ARHGAP20: variants seen among roughly 807,000 people sequenced by gnomAD.
The protein encoded by ARHGAP20 is rho GTPase-activating protein 20.
ARHGAP20 carries 34 observed loss-of-function variants against 73.7 expected under a neutral mutation model. The ratio of observed to expected loss-of-function variants is 0.46; its 90% CI spans 0.35 to 0.61. The LOEUF is 0.61. Ranked by LOEUF, ARHGAP20 falls within the 20% of genes least tolerant of loss-of-function variation. The pLI, the probability that ARHGAP20 is intolerant of heterozygous loss-of-function variation, is 0.00. For missense variants in ARHGAP20, 1,314 were observed against 1,420.9 expected (o/e 0.92, Z 1.21); for synonymous variants, 523 against 518.2 (o/e 1.01, Z -0.13).
At chr11:110,704,806 A>G (rs1950524321) in intron 1 of ARHGAP20, among the ~76,000 whole-genome samples, 1 of 152,136 alleles carries the variant, frequency 6.6e-6, no homozygotes, top group Non-Finnish European at 1.5e-5. Context: ...GATCCTAAAC[A>G]CTTGAAGTAC....
intron 2 of ARHGAP20, among the ~76,000 whole-genome samples, chr11:110,659,130 A>G (rs891032109): frequency 5.4e-5 from 8 of 148,680 alleles, no homozygotes; most frequent in South Asian, 4.4e-4. Context: ...CTGAGGAATC[A>G]CCACACTGAC....
rs1565414806 is a variant in ARHGAP20, at chr11:110,578,781, T to C, written c.*589A>G. 1 of 985,512 alleles carries C rather than the reference T, an allele frequency of 1.0e-6. No individual in the cohort carries two copies. The highest frequency in any genetic ancestry group is 1.7e-5 in the African/African-American group (1 of 57,248). The allele number at this position is 985,512 out of a possible 1,614,324, so 61.0% of individuals were successfully genotyped here. The stretch of plus-strand genomic sequence containing the variant: ...ACTCTGTTTTTCTCCACTCTAGCTG[T>C]AGCAATGGGCTGGTTCTTGGAATGA... On this transcript the variant is annotated 3_prime_UTR_variant, in exon 15 of 15. Coordinates refer to ENST00000683387, the MANE Select transcript of ARHGAP20 (RefSeq NM_001384657.1).
chr11:110,639,186 C>T (rs1949029229), intron 2 of ARHGAP20, among the ~76,000 whole-genome samples: 1 of 151,766 alleles, frequency 6.6e-6, no homozygotes, highest in Non-Finnish European at 1.5e-5. Flanking sequence ...CTGCTTGGCT[C>T]AGTTTCTAGT....
Position 110,615,613 on chromosome 11 carries a change from G to T in ARHGAP20, c.504-19C>A, listed in dbSNP as rs1262510356. On this transcript the variant is annotated intron_variant, in intron 4 of 14. Transcript: ENST00000683387. ...TGGAGAACTGCAATCAAAGAAAATGGGAGAGAAAAATTAAACCACATAAAA... is the reference window on the plus strand; with the variant it reads ...TGGAGAACTGCAATCAAAGAAAATGTGAGAGAAAAATTAAACCACATAAAA... The T allele has an allele frequency of 1.2e-6, 2 of 1,608,794 alleles. No homozygotes were observed. Among genetic ancestry groups the T allele is most frequent in the African/African-American group, 1.3e-5 (1 of 74,762 alleles).
chr11:110,689,857 G>A (rs1297033058), intron 2 of ARHGAP20, among the ~76,000 whole-genome samples: 1 of 151,770 alleles, frequency 6.6e-6, no homozygotes, highest in African/African-American at 2.4e-5. Context: ...GTCAAGCTGC[G>A]TACTTGTCTT....
At chr11:110,707,584 A>G (rs991602713) in intron 1 of ARHGAP20, among the ~76,000 whole-genome samples, 1 of 152,138 alleles carries the variant, frequency 6.6e-6, no homozygotes, top group Non-Finnish European at 1.5e-5. Flanking sequence ...GCTTGAGATT[A>G]AAATAATAAA....
At chr11:110,666,732 T>G (rs1369241358) in intron 2 of ARHGAP20, among the ~76,000 whole-genome samples, 1 of 152,262 alleles carries the variant, frequency 6.6e-6, no homozygotes, top group Non-Finnish European at 1.5e-5. Flanking sequence ...ACATTTTCAT[T>G]ATTATTACTA....
At chr11:110,704,065 G>GT (rs1414419113) in intron 1 of ARHGAP20, among the ~76,000 whole-genome samples, 1 of 152,132 alleles carries the variant, frequency 6.6e-6, no homozygotes, top group African/African-American at 2.4e-5. Flanking sequence ...GAGGGGAAAA[G>GT]TACTGTGATC....
rs189114254 is a variant in ARHGAP20 at position 110,668,763 on chromosome 11, T to C, written c.188+21784A>G. Among the ~76,000 whole-genome samples the C allele has an allele frequency of 2.2e-3, 340 of 152,362 alleles. 1 individual carries two copies. Among genetic ancestry groups the C allele is most frequent in the Admixed American group, 5.4e-3 (82 of 15,308 alleles). On this transcript the variant is annotated intron_variant, in intron 2 of 14. Transcript: ENST00000683387. ...TTATATGCACTGGGAAACCAACAAA[T>C]TCATGCAACTCACTTTAATATTTGC... is the stretch of plus-strand genomic sequence containing the variant.
rs1318625157 is a variant in ARHGAP20 at position 110,690,567 on chromosome 11, T to C, written c.168A>G (p.Leu56=). The change falls in exon 2 of 15, where the codon CTA becomes CTG. Residue 56 remains leucine, a synonymous_variant. Coordinates refer to ENST00000683387, the MANE Select transcript of ARHGAP20 (RefSeq NM_001384657.1). ...CTTACCTGGTAGTAGGCCGTTTTTG[T>C]AGGGCTTTATCCAGGATAAGAGATG... ...SAPSLILDKA[L]QKRPTTRDSP... The C allele has an allele frequency of 6.2e-7, 1 of 1,614,080 alleles. No homozygotes were observed. Among genetic ancestry groups the C allele is most frequent in the South Asian group, 1.1e-5 (1 of 91,074 alleles).
At chr11:110,684,642 A>G (rs1315782755) in intron 2 of ARHGAP20, among the ~76,000 whole-genome samples, 1 of 152,202 alleles carries the variant, frequency 6.6e-6, no homozygotes, top group Non-Finnish European at 1.5e-5. Context: ...ACTATTTACA[A>G]TAGCAAAATC....
intron 1 of ARHGAP20, chr11:110,711,579 A>G (rs770035457): frequency 1.0e-4 from 148 of 1,467,262 alleles, no homozygotes; most frequent in Non-Finnish European, 1.3e-4. Flanking sequence ...CTGCCCCCCG[A>G]AAACTGCTAT....
chr11:110,697,617 T>C lies in ARHGAP20; in HGVS notation c.106-6988A>G, dbSNP rs542641265. On this transcript the variant is annotated intron_variant, in intron 1 of 14. Coordinates refer to ENST00000683387, the MANE Select transcript of ARHGAP20 (RefSeq NM_001384657.1). The stretch of plus-strand genomic sequence containing the variant: ...TCTATTTTTATGTTGCATTTGCATT[T>C]GTCTAGTTTCATTCTTCTGCATGTG... 3.3e-5 allele frequency among the ~76,000 whole-genome samples: 5 copies of C among 151,408 alleles called. 1 individual carries two copies. Among genetic ancestry groups the C allele is most frequent in the African/African-American group, 9.6e-5 (4 of 41,500 alleles).
At position 110,580,835 on chromosome 11, in the gene ARHGAP20, G is replaced by A; in HGVS notation, c.2111C>T (p.Ser704Leu). The change falls in exon 15 of 15, where the codon TCA (serine) becomes TTA (leucine). Residue 704 changes from serine (S) to leucine (L), a missense_variant. Ser to Leu is a moderately radical substitution (Grantham distance 145). Transcript: ENST00000683387. ...AKSLRRHRRCSEPSIDYLDSK... is the reference protein window; with the variant it reads ...AKSLRRHRRCLEPSIDYLDSK... ...ATCCAGATAGTCGATGCTGGGCTCT[G>A]AGCAACGCCGGTGTCGCCTCAGGCT... 4 of 1,613,948 alleles carry A rather than the reference G, an allele frequency of 2.5e-6. No homozygotes were observed. The highest frequency in any genetic ancestry group is 3.4e-6 in the Non-Finnish European group (4 of 1,179,850).
chr11:110,711,508 C>T, intron 1 of ARHGAP20: 7 of 1,084,370 alleles, frequency 6.5e-6, no homozygotes, highest in Non-Finnish European at 8.5e-6. Context: ...AAACTGTGAC[C>T]CCCACCTGGG....
At chr11:110,650,522 G>A (rs1949326465) in intron 2 of ARHGAP20, among the ~76,000 whole-genome samples, 1 of 152,122 alleles carries the variant, frequency 6.6e-6, no homozygotes, top group Admixed American at 6.6e-5. Flanking sequence ...TAACTCTCTT[G>A]AGTGGAGGCA....
intron 5 of ARHGAP20, among the ~76,000 whole-genome samples, chr11:110,615,327 C>T (rs538871517): frequency 3.0e-4 from 46 of 152,202 alleles, no homozygotes; most frequent in African/African-American, 1.1e-3. Flanking sequence ...TTTAACTAGA[C>T]CTCAATGTTC....
intron 9 of ARHGAP20, among the ~76,000 whole-genome samples, chr11:110,603,748 A>G (rs547227214): frequency 4.6e-5 from 7 of 152,348 alleles, no homozygotes; most frequent in African/African-American, 1.7e-4. Flanking sequence ...GCAAATATCA[A>G]GAGAAGAATC....
intron 9 of ARHGAP20, among the ~76,000 whole-genome samples, chr11:110,598,198 A>G (rs1157377315): frequency 1.3e-5 from 2 of 152,048 alleles, no homozygotes; most frequent in Non-Finnish European, 2.9e-5. Flanking sequence ...CCTAGAGTAA[A>G]AAACACAGAG....
Sources: allele counts gnomAD v4.1 joint callset (sites outside exome capture counted in the v4.1 genomes callset), GRCh38; gene constraint gnomAD v4.1.1; transcripts MANE v1.5; gene names NCBI Gene and HGNC (gene_info 2026-07-23, HGNC 2026-07-21).